The following VWA5A variants were observed in gnomAD, a reference collection of about 807,000 sequenced individuals.
VWA5A encodes von Willebrand factor A domain containing 5A.
A neutral mutation model predicts 84.6 loss-of-function variants in VWA5A; 77 were observed. The observed-to-expected ratio is 0.91, with a 90% CI of 0.76 to 1.10. The LOEUF (loss-of-function observed/expected upper bound fraction) is 1.10, where lower values mean the gene tolerates loss of function less well. Ranked by LOEUF, VWA5A falls within the 50% of genes least tolerant of loss-of-function variation. The pLI, the probability that VWA5A is intolerant of heterozygous loss-of-function variation, is 0.00. For synonymous variants in VWA5A, 334 were observed against 350.1 expected (o/e 0.95, Z 0.51); for missense variants, 973 against 963.0 (o/e 1.01, Z -0.14).
At position 124,118,548 on chromosome 11, in the gene VWA5A, G is replaced by A; in HGVS notation, c.485G>A (p.Ser162Asn). The A allele has an allele frequency of 6.2e-7, 1 of 1,614,164 alleles. No homozygotes were observed. The highest frequency in any genetic ancestry group is 1.3e-5 in the African/African-American group (1 of 75,044). The change falls in exon 6 of 19, where the codon AGT becomes AAT. Residue 162 changes from serine to asparagine, a missense_variant. Physicochemically the swap from Ser to Asn is conservative, Grantham distance 46. Coordinates refer to ENST00000456829, the MANE Select transcript of VWA5A (RefSeq NM_001130142.2). Reference sequence around the variant, plus strand: ...TCTTTTATAGGGTCGTCTAAGGACAGTTGCCTTAATGTGAAGACTCCTATA... The same window carrying A: ...TCTTTTATAGGGTCGTCTAAGGACAATTGCCTTAATGTGAAGACTCCTATA... ...RYQFSGSSKD[S>N]CLNVKTPIVP...
At position 124,145,337 on chromosome 11, in the gene VWA5A, C is replaced by T. The variant is rs1860800221; in HGVS notation, c.2255C>T (p.Ala752Val). The T allele has an allele frequency of 6.2e-7, 1 of 1,613,602 alleles. No individual in the cohort carries two copies. Among genetic ancestry groups the T allele is most frequent in the Non-Finnish European group, 8.5e-7 (1 of 1,179,714 alleles). The change falls in exon 18 of 19, where the codon GCC (alanine) becomes GTC (valine). Residue 752 changes from alanine to valine, a missense_variant. Coordinates refer to ENST00000456829, the MANE Select transcript of VWA5A (RefSeq NM_001130142.2). ...GAATGGGAGCTTCTGGAAAGGAAGG[C>T]CGTGGCCTGGATGCGTGCCCATGCA... ...KCEWELLERK[A>V]VAWMRAHAGS...
At chr11:124,127,629 C>T (rs1865038338) in intron 11 of VWA5A, among the ~76,000 whole-genome samples, 1 of 152,212 alleles carries the variant, frequency 6.6e-6, no homozygotes, top group African/African-American at 2.4e-5. Flanking sequence ...TACACTCCCA[C>T]AAACAGTGTA....
chr11:124,138,037 T>G (rs1441015086), intron 15 of VWA5A, among the ~76,000 whole-genome samples: 1 of 152,200 alleles, frequency 6.6e-6, no homozygotes, highest in Non-Finnish European at 1.5e-5. Context: ...TTTTTTGTAT[T>G]TTTCGTAGAG....
In VWA5A at chr11:124,122,833, T is replaced by C. The variant is rs555257446; in HGVS notation, c.761-127T>C. Reference sequence around the variant, plus strand: ...CCCCATTGCAAGCAGTTATGGTACATGAATCATCACAGTGTTTTAGATTTG... The same window carrying C: ...CCCCATTGCAAGCAGTTATGGTACACGAATCATCACAGTGTTTTAGATTTG... On this transcript the variant is annotated intron_variant, in intron 7 of 18. Coordinates refer to ENST00000456829, the MANE Select transcript of VWA5A (RefSeq NM_001130142.2). 2.5e-5 allele frequency: 23 copies of C among 923,906 alleles called. No homozygotes were observed. The East Asian group carries it at 5.1e-4, about 21-fold the overall frequency. The allele number at this position is 923,906 out of a possible 1,614,324, so 57.2% of individuals were successfully genotyped here.
intron 6 of VWA5A, 126 bp downstream of exon 6, chr11:124,118,834 T>G: frequency 7.3e-7 from 1 of 1,362,358 alleles, no homozygotes; most frequent in Admixed American, 2.1e-5. Flanking sequence ...ATATCGTCAT[T>G]TAATCTCCAG....
intron 11 of VWA5A, among the ~76,000 whole-genome samples, chr11:124,131,946 A>G (rs1055008762): frequency 3.9e-5 from 6 of 151,970 alleles, no homozygotes; most frequent in African/African-American, 1.4e-4. Context: ...GTTTGCTGTA[A>G]GGGTTTCCCT....
rs190081840 is a variant in VWA5A, at chr11:124,123,735, G to A, written c.1095G>A (p.Gly365=). The A allele has an allele frequency of 3.7e-6, 6 of 1,611,372 alleles. No individual in the cohort carries two copies. The Admixed American group carries it at 6.7e-5, about 18-fold the overall frequency. The change falls in exon 10 of 19, where the codon GGG becomes GGA. Residue 365 remains glycine (G), a synonymous_variant. Transcript: ENST00000456829. The stretch of plus-strand genomic sequence containing the variant: ...TGAAGCTTATGCAGGCCGACCTAGG[G>A]GGCACTGAAATCTTGGCACCACTCC... ...GRVKLMQADL[G]GTEILAPLQN...
intron 15 of VWA5A, 37 bp downstream of exon 15, chr11:124,137,305 A>T: frequency 1.9e-6 from 3 of 1,592,366 alleles, no homozygotes; most frequent in Non-Finnish European, 8.6e-7. Flanking sequence ...CATATAGAAT[A>T]AAAGATTCTG....
intron 10 of VWA5A, 50 bp downstream of exon 10, chr11:124,123,854 T>C (rs1490154968): frequency 6.6e-7 from 1 of 1,515,368 alleles, no homozygotes; most frequent in Admixed American, 2.3e-5. Context: ...GTGAAATCTC[T>C]AAGAATCTAT....
Position 124,137,244 on chromosome 11 carries a change from C to A in VWA5A, c.1855C>A (p.Pro619Thr). Residue 619 changes from proline (P) to threonine (T), a missense_variant, in exon 15 of 19, where the codon CCA (proline) becomes ACA (threonine). Coordinates refer to ENST00000456829, the MANE Select transcript of VWA5A (RefSeq NM_001130142.2). ...PRPILLGASA[P>T]LKIKCQSGFR... The stretch of plus-strand genomic sequence containing the variant: ...GCCAATTCTGTTGGGTGCTTCTGCC[C>A]CATTGAAGATAAAATGCCAATCAGG... The A allele has an allele frequency of 6.2e-7, 1 of 1,613,962 alleles. No individual in the cohort carries two copies. The highest frequency in any genetic ancestry group is 2.2e-5 in the East Asian group (1 of 44,868).
chr11:124,145,483 T>C (rs2137670720), intron 18 of VWA5A, 120 bp downstream of exon 18: 4 of 1,350,700 alleles, frequency 3.0e-6, no homozygotes, highest in Non-Finnish European at 3.9e-6. Context: ...TACTAATCTT[T>C]CTGCTAGTTC....
At chr11:124,136,440 C>T (rs528228846) in intron 13 of VWA5A, 134 bp from the exon 14 acceptor site, 13 of 1,433,960 alleles carry the variant, frequency 9.1e-6, no homozygotes, top group South Asian at 5.3e-5. Flanking sequence ...TTCAGGTCTC[C>T]GGTTTCCTAG....
In VWA5A at chr11:124,146,623, C is replaced by T. The variant is rs1337738590; in HGVS notation, c.*678C>T. The T allele has an allele frequency of 6.6e-6, 1 of 152,236 alleles. No individual in the cohort carries two copies. The highest frequency in any genetic ancestry group is 2.4e-5 in the African/African-American group (1 of 41,374). The allele number at this position is 152,236 out of a possible 1,614,324, so 9.4% of individuals were successfully genotyped here. A position where few individuals can be genotyped will look rare whatever the true frequency, so the allele number is the denominator to read the frequency against. On this transcript the variant is annotated 3_prime_UTR_variant, in exon 19 of 19. Transcript: ENST00000456829. ...GATGTTCCTCTTTAATCATGAAACA[C>T]CTTAAGAAGTCTATAATGCAATCCT...
At position 124,146,905 on chromosome 11, in the gene VWA5A, T is replaced by C. The variant is rs1355099180; in HGVS notation, c.*960T>C. 2.4e-5 allele frequency: 4 copies of C among 165,646 alleles called. No individual in the cohort carries two copies. Among genetic ancestry groups the C allele is most frequent in the African/African-American group, 9.6e-5 (4 of 41,454 alleles). The allele number at this position is 165,646 out of a possible 1,614,324, so 10.3% of individuals were successfully genotyped here. A position where few individuals can be genotyped will look rare whatever the true frequency, so the allele number is the denominator to read the frequency against. ...TAAAATGACTATTTCTACCCTTTGA[T>C]GAGTAAATGCAGTGGTTCTTAAAGT... On this transcript the variant is annotated 3_prime_UTR_variant, in exon 19 of 19. Coordinates refer to ENST00000456829, the MANE Select transcript of VWA5A (RefSeq NM_001130142.2).
intron 11 of VWA5A, among the ~76,000 whole-genome samples, chr11:124,127,209 CTA>C (rs2137642119): frequency 6.6e-6 from 1 of 151,978 alleles, no homozygotes; most frequent in South Asian, 2.1e-4. Flanking sequence ...ATGTTCCCCT[CTA>C]TGTGTCCATG....
chr11:124,117,456 C>T (rs1362508919), intron 2 of VWA5A, 41 bp from the exon 3 acceptor site: 1 of 1,587,198 alleles, frequency 6.3e-7, no homozygotes, highest in Admixed American at 1.7e-5. Flanking sequence ...GAACAGATAA[C>T]TTCCAACATG....
chr11:124,126,473 A>G (rs992898623), intron 11 of VWA5A, among the ~76,000 whole-genome samples: 3 of 152,166 alleles, frequency 2.0e-5, no homozygotes, highest in African/African-American at 4.8e-5. Context: ...AAATACAACA[A>G]TGGGGGCTGG....
Position 124,145,851 on chromosome 11 carries a change from T to G in VWA5A, c.2282-15T>G. 1.3e-6 allele frequency: 2 copies of G among 1,569,530 alleles called. No homozygotes were observed. The highest frequency in any genetic ancestry group is 1.7e-6 in the Non-Finnish European group (2 of 1,154,106). ...GCAATCCTTCATCCCTGCTTCTTGTTTTTCCTCACCACAGGCTCCACCATG... is the reference window on the plus strand; with the variant it reads ...GCAATCCTTCATCCCTGCTTCTTGTGTTTCCTCACCACAGGCTCCACCATG... On this transcript the variant is annotated splice_polypyrimidine_tract_variant and intron_variant, in intron 18 of 18. Coordinates refer to ENST00000456829, the MANE Select transcript of VWA5A (RefSeq NM_001130142.2).
intron 1 of VWA5A, chr11:124,116,108 C>T (rs187953998): frequency 6.6e-6 from 1 of 152,478 alleles, no homozygotes; most frequent in Admixed American, 6.5e-5. Context: ...CTCCCACCCT[C>T]CTAGCTGCTG....
Sources: allele counts gnomAD v4.1 joint callset (sites outside exome capture counted in the v4.1 genomes callset), GRCh38; gene constraint gnomAD v4.1.1; transcripts MANE v1.5; gene names NCBI Gene and HGNC (gene_info 2026-07-23, HGNC 2026-07-21).